The following OPTN variants were observed in gnomAD, a reference collection of about 807,000 sequenced individuals.
The protein encoded by OPTN is E3-14.7K-interacting protein.
OPTN carries 54 observed loss-of-function variants against 70.4 expected under a neutral mutation model. That is an observed-to-expected ratio of 0.77 (90% CI 0.62 to 0.96). The LOEUF is 0.96. OPTN is among the 40% of genes least tolerant of loss of function. The probability of loss-of-function intolerance (pLI) is 0.00; values close to 1 mark genes in which losing one functional copy is unlikely to be tolerated. For missense variants in OPTN, 624 were observed against 673.2 expected, an observed-to-expected ratio of 0.93 and a Z score of 0.81; for synonymous variants, 256 against 248.5, an observed-to-expected ratio of 1.03 and a Z score of -0.28.
chr10:13,110,229 T>A, intron 3 of OPTN, 45 bp from the exon 4 acceptor site: 1 of 1,606,862 alleles, frequency 6.2e-7, no homozygotes, highest in Non-Finnish European at 8.5e-7. Context: ...TCAGATCAAG[T>A]CCACTTTCCT....
intron 7 of OPTN, among the ~76,000 whole-genome samples, chr10:13,121,934 AT>A (rs1221039296): frequency 2.6e-5 from 4 of 152,124 alleles, no homozygotes; most frequent in Admixed American, 2.0e-4. Flanking sequence ...TGTGGTTATG[AT>A]TTGGTGTTAA....
Position 13,119,049 on chromosome 10 carries a change from T to C in OPTN, c.779+9T>C, listed in dbSNP as rs1442271851. The C allele has an allele frequency of 6.2e-7, 1 of 1,613,200 alleles. No homozygotes were observed. On this transcript the variant is annotated intron_variant, in intron 7 of 14. Coordinates refer to ENST00000378747, the MANE Select transcript of OPTN (RefSeq NM_001008212.2). The stretch of plus-strand genomic sequence containing the variant: ...AAGGAGGCCAAAGAAAGGTATGAAA[T>C]AGGTTAACTTGAAATATGTGTTTTT...
At position 13,130,424 on chromosome 10, in the gene OPTN, C is replaced by CAAAAAAAAAAAAAAAAAAAAAAAAAAA. The variant is rs1178080754; in HGVS notation, c.1402-1640_1402-1614dup. Among the ~76,000 whole-genome samples the CAAAAAAAAAAAAAAAAAAAAAAAAAAA allele has an allele frequency of 3.9e-5, 2 of 51,772 alleles. 1 individual carries two copies. Among genetic ancestry groups the CAAAAAAAAAAAAAAAAAAAAAAAAAAA allele is most frequent in the Non-Finnish European group, 6.6e-5 (2 of 30,334 alleles). The allele number at this position is 51,772 out of a possible 152,430, so 34.0% of individuals were successfully genotyped here. A position where few individuals can be genotyped will look rare whatever the true frequency, so the allele number is the denominator to read the frequency against. On this transcript the variant is annotated intron_variant, in intron 12 of 14. Transcript: ENST00000378747. ...TGGGCGACAGAGCGAGACTCTATCTCAAAAAAAAAAAAAAAAAAAAAAAAA... is the reference window on the plus strand; with the variant it reads ...TGGGCGACAGAGCGAGACTCTATCTCAAAAAAAAAAAAAAAAAAAAAAAAAAAAAAAAAAAAAAAAAAAAAAAAAAAA...
At chr10:13,104,805 A>G in intron 1 of OPTN, 1 of 479,484 alleles carries the variant, frequency 2.1e-6, no homozygotes, top group Non-Finnish European at 3.9e-6. Context: ...ATGCTATTCG[A>G]GATGTTCAAC....
chr10:13,116,216 T>C (rs774437306), intron 5 of OPTN, 51 bp from the exon 6 acceptor site: 1 of 1,203,688 alleles, frequency 8.3e-7, no homozygotes, highest in Non-Finnish European at 1.2e-6. Context: ...TGACAAAGAA[T>C]TTGTCTTGTA....
At chr10:13,104,873 G>A in intron 1 of OPTN, 2 of 316,408 alleles carry the variant, frequency 6.3e-6, no homozygotes, top group South Asian at 8.0e-5. Context: ...GGGGTGACCA[G>A]GGGCCCGACC....
In OPTN at chr10:13,125,313, A is replaced by G. The variant is rs533080716; in HGVS notation, c.999-105A>G. The stretch of plus-strand genomic sequence containing the variant: ...ATTTCATTTTGCATTCATAAACCCT[A>G]CAGCCCTAAAATTCTTATATTGTAC... On this transcript the variant is annotated intron_variant, in intron 9 of 14. Transcript: ENST00000378747. 7.2e-6 allele frequency: 9 copies of G among 1,244,192 alleles called. No homozygotes were observed. The African/African-American group carries it at 1.2e-4, about 16-fold the overall frequency. 77.1% of individuals were successfully genotyped at this position (1,244,192 alleles called of 1,614,324 possible).
rs182378742 is a variant in OPTN, at chr10:13,111,519, G to A, written c.370-934G>A. On this transcript the variant is annotated intron_variant, in intron 4 of 14. Transcript: ENST00000378747. ...TCGAGACCAGCCTGGCCAACATGGC[G>A]AAACCCCATCTCTACTAAAAATACA... Among the ~76,000 whole-genome samples the A allele has an allele frequency of 1.8e-3, 255 of 139,300 alleles. 4 individuals are homozygous for A. Among genetic ancestry groups the A allele is most frequent in the Admixed American group, 0.016 (225 of 13,794 alleles). The allele number at this position is 139,300 out of a possible 152,430, so 91.4% of individuals were successfully genotyped here.
In OPTN at chr10:13,117,080, C is replaced by CTTTT. The variant is rs560052353; in HGVS notation, c.626+755_626+758dup. On this transcript the variant is annotated intron_variant, in intron 6 of 14. Transcript: ENST00000378747. The stretch of plus-strand genomic sequence containing the variant: ...TGTCTGAAAAGAACTCTAAGGATCT[C>CTTTT]TTTTTTTTTTTTTTTTTTGAGACGG... 5.0e-3 allele frequency among the ~76,000 whole-genome samples: 609 copies of CTTTT among 121,340 alleles called. 16 individuals carry two copies. The highest frequency in any genetic ancestry group is 0.015 in the Admixed American group (157 of 10,308). 79.6% of individuals were successfully genotyped at this position (121,340 alleles called of 152,430 possible).
intron 6 of OPTN, among the ~76,000 whole-genome samples, 159 bp from the exon 7 acceptor site, chr10:13,118,729 G>A (rs1262318514): frequency 6.6e-6 from 1 of 152,220 alleles, no homozygotes; most frequent in Non-Finnish European, 1.5e-5. Flanking sequence ...TTGGCACTGG[G>A]GGTCCCAGGA....
At chr10:13,125,807 G>C (rs1833445159) in intron 10 of OPTN, 139 bp from the exon 11 acceptor site, 1 of 769,328 alleles carries the variant, frequency 1.3e-6, no homozygotes, top group Admixed American at 2.7e-5. Context: ...TTGAGAGTAA[G>C]AAATGCTAGT....
Position 13,114,800 on chromosome 10 carries a change from AT to A in OPTN, c.553-1466del, listed in dbSNP as rs370148611. On this transcript the variant is annotated intron_variant, in intron 5 of 14. Coordinates refer to ENST00000378747, the MANE Select transcript of OPTN (RefSeq NM_001008212.2). ...TAATTATATAATTATATAATTATAT[AT>A]ACATATATATAATTATATAATTATA... is the stretch of plus-strand genomic sequence containing the variant. Among the ~76,000 whole-genome samples, 136 of 17,734 alleles carry A rather than the reference AT, an allele frequency of 7.7e-3. 13 individuals are homozygous for A. The highest frequency in any genetic ancestry group is 0.02 in the Admixed American group (22 of 1,078). The allele number at this position is 17,734 out of a possible 152,430, so 11.6% of individuals were successfully genotyped here. A position where few individuals can be genotyped will look rare whatever the true frequency, so the allele number is the denominator to read the frequency against.
chr10:13,119,136 A>G lies in OPTN; in HGVS notation c.779+96A>G. On this transcript the variant is annotated intron_variant, in intron 7 of 14. Coordinates refer to ENST00000378747, the MANE Select transcript of OPTN (RefSeq NM_001008212.2). ...TACAGTTCACCCATTTAAAGTATAC[A>G]TTTCAGTGTTTTTTAGAATATTCCA... is the stretch of plus-strand genomic sequence containing the variant. 6 of 1,167,262 alleles carry G rather than the reference A, an allele frequency of 5.1e-6. No individual in the cohort carries two copies. In the South Asian group the frequency reaches 8.0e-5, roughly 16 times the overall value. 72.3% of individuals were successfully genotyped at this position (1,167,262 alleles called of 1,614,324 possible).
In OPTN at chr10:13,132,109, A is replaced by G. The variant is rs1458195964; in HGVS notation, c.1444A>G (p.Arg482Gly). ...TGATTTTCATGCTGAAAGAGCAGCG[A>G]GAGAGAAAATTCATGAGGAAAAGGA... Reference protein sequence around the residue: ...CSDFHAERAAREKIHEEKEQL... With the variant: ...CSDFHAERAAGEKIHEEKEQL... The change falls in exon 13 of 15, where the codon AGA becomes GGA. Residue 482 changes from arginine (R) to glycine (G), a missense_variant. Physicochemically the swap from Arg to Gly is moderately radical, Grantham distance 125. Transcript: ENST00000378747. 1 of 1,613,560 alleles carries G rather than the reference A, an allele frequency of 6.2e-7. No homozygotes were observed. Among genetic ancestry groups the G allele is most frequent in the Admixed American group, 1.7e-5 (1 of 60,010 alleles).
intron 11 of OPTN, among the ~76,000 whole-genome samples, chr10:13,127,542 T>C (rs1833493156): frequency 6.6e-6 from 1 of 152,142 alleles, no homozygotes; most frequent in East Asian, 1.9e-4. Context: ...GCTGATACAT[T>C]TTTTAGATCT....
At chr10:13,109,560 T>C (rs1832947564) in intron 3 of OPTN, 1 of 412,380 alleles carries the variant, frequency 2.4e-6, no homozygotes, top group East Asian at 5.0e-5. Flanking sequence ...GCGTGGTGGC[T>C]CATGCCTGTC....
chr10:13,114,795 TATATATAC>T (rs1284959698), intron 5 of OPTN, among the ~76,000 whole-genome samples: 23 of 96,218 alleles, frequency 2.4e-4, no homozygotes, highest in Non-Finnish European at 4.1e-4. Flanking sequence ...ATTATATAAT[TATATATAC>T]ATATATATAA....
chr10:13,135,101 G>A (rs1833671776), intron 14 of OPTN, among the ~76,000 whole-genome samples: 1 of 152,176 alleles, frequency 6.6e-6, no homozygotes, highest in Non-Finnish European at 1.5e-5. Context: ...CTACATCCAA[G>A]TAATGTACTT....
chr10:13,116,328 T>A lies in OPTN; in HGVS notation c.614T>A (p.Val205Asp). The A allele has an allele frequency of 6.2e-7, 1 of 1,612,896 alleles. No individual in the cohort carries two copies. The highest frequency in any genetic ancestry group is 8.5e-7 in the Non-Finnish European group (1 of 1,179,086). Residue 205 changes from valine (V) to aspartate (D), a missense_variant, in exon 6 of 15, where the codon GTC (valine) becomes GAC (aspartate). Physicochemically the swap from Val to Asp is radical, Grantham distance 152. Coordinates refer to ENST00000378747, the MANE Select transcript of OPTN (RefSeq NM_001008212.2). The stretch of plus-strand genomic sequence containing the variant: ...CATAGTCCTGGGCCCACGAGAACAG[T>A]CTCCACTGGCACGTATGTGAAGGAA... ...IKHSPGPTRT[V>D]STGTALSKYR...
Sources: gnomAD v4.1 joint callset for allele counts (sites outside exome capture counted in the v4.1 genomes callset) on GRCh38, gnomAD v4.1.1 for gene constraint, MANE v1.5 for transcripts, NCBI Gene and HGNC (gene_info 2026-07-23, HGNC 2026-07-21) for gene names.